Variants in AP1S3 observed in about 807,000 individuals in gnomAD.
The protein encoded by AP1S3 is AP-1 complex subunit sigma-3.
AP1S3 carries 10 observed loss-of-function variants against 20.9 expected under a neutral mutation model. The ratio of observed to expected loss-of-function variants is 0.48; its 90% CI spans 0.29 to 0.81. The LOEUF (loss-of-function observed/expected upper bound fraction) is 0.81, where lower values mean the gene tolerates loss of function less well. Ranked by LOEUF, AP1S3 falls within the 30% of genes least tolerant of loss-of-function variation. AP1S3 has a pLI of 0.08. For missense variants in AP1S3, 154 were observed against 183.8 expected (o/e 0.84, Z 0.94); for synonymous variants, 41 against 61.5 (o/e 0.67, Z 1.56).
intron 1 of AP1S3, among the ~76,000 whole-genome samples, chr2:223,787,907 T>C (rs1042299780): frequency 1.3e-5 from 2 of 152,172 alleles, no homozygotes; most frequent in Non-Finnish European, 2.9e-5. Flanking sequence ...CTGCTGACAC[T>C]GTCCACACAA....
intron 3 of AP1S3, among the ~76,000 whole-genome samples, chr2:223,770,726 C>CCTTTT (rs1194728092): frequency 1.3e-5 from 1 of 76,630 alleles, no homozygotes; most frequent in East Asian, 1.6e-3. Flanking sequence ...TAGACCAGTT[C>CCTTTT]ATTTTTTTTT....
chr2:223,786,360 G>A (rs777365002), intron 1 of AP1S3, among the ~76,000 whole-genome samples: 14 of 152,286 alleles, frequency 9.2e-5, no homozygotes, highest in Admixed American at 6.5e-4. Context: ...AAGAAAGTGC[G>A]AACCTACAGT....
intron 1 of AP1S3, among the ~76,000 whole-genome samples, chr2:223,810,161 A>G (rs1037356941): frequency 2.0e-5 from 3 of 152,204 alleles, no homozygotes; most frequent in Admixed American, 6.5e-5. Context: ...GTTCAGGACA[A>G]GAATCTGGGG....
chr2:223,778,315 G>A (rs1446876386), intron 1 of AP1S3, among the ~76,000 whole-genome samples: 4 of 151,950 alleles, frequency 2.6e-5, no homozygotes, highest in East Asian at 3.9e-4. Context: ...TAGTAGAGAC[G>A]GGGATTCACC....
At chr2:223,795,388 A>G (rs1286695883) in intron 1 of AP1S3, among the ~76,000 whole-genome samples, 1 of 152,232 alleles carries the variant, frequency 6.6e-6, no homozygotes, top group African/African-American at 2.4e-5. Flanking sequence ...GACACTTTTT[A>G]CACATGTTCT....
chr2:223,804,753 A>C (rs1455982489), intron 1 of AP1S3, among the ~76,000 whole-genome samples: 2 of 152,132 alleles, frequency 1.3e-5, no homozygotes, highest in African/African-American at 2.4e-5. Flanking sequence ...AAATTACTAG[A>C]ATCTTCTAGA....
chr2:223,810,483 A>AT lies in AP1S3; in HGVS notation c.3+26964dup, dbSNP rs1274498187. 2.0e-5 allele frequency among the ~76,000 whole-genome samples: 3 copies of AT among 152,058 alleles called. No individual in the cohort carries two copies. The East Asian group carries it at 5.8e-4, about 30-fold the overall frequency. ...GCCACCACACCAAGCTAATGTTTAT[A>AT]TTTTTTGTAGAGACAGGGTTTTGCC... On this transcript the variant is annotated intron_variant, in intron 1 of 4. Transcript: ENST00000396654.
chr2:223,785,406 A>G (rs1370713268), intron 1 of AP1S3, among the ~76,000 whole-genome samples: 3 of 152,344 alleles, frequency 2.0e-5, no homozygotes, highest in East Asian at 1.9e-4. Context: ...ATGTAAAACT[A>G]TTCTTGCAAA....
intron 1 of AP1S3, among the ~76,000 whole-genome samples, chr2:223,782,279 C>T (rs1331315382): frequency 6.6e-6 from 1 of 152,170 alleles, no homozygotes; most frequent in Non-Finnish European, 1.5e-5. Context: ...TCCCAAAGTG[C>T]TGGGATTACA....
intron 1 of AP1S3, among the ~76,000 whole-genome samples, chr2:223,810,937 T>C (rs1333780904): frequency 6.6e-6 from 1 of 151,936 alleles, no homozygotes; most frequent in African/African-American, 2.4e-5. Context: ...TTTTGGCTCC[T>C]TTTTTTAATT....
intron 1 of AP1S3, among the ~76,000 whole-genome samples, chr2:223,800,551 A>G (rs1267634604): frequency 6.6e-6 from 1 of 152,096 alleles, no homozygotes; most frequent in African/African-American, 2.4e-5. Flanking sequence ...ATCAATTAAT[A>G]TAATTTATCA....
rs937229255 is a variant in AP1S3 at position 223,762,162 on chromosome 2, G to A, written c.429+3051C>T. Among the ~76,000 whole-genome samples the A allele has an allele frequency of 5.9e-5, 9 of 151,466 alleles. No individual in the cohort carries two copies. The East Asian group carries it at 7.8e-4, about 13-fold the overall frequency. The stretch of plus-strand genomic sequence containing the variant: ...TAATTTTTGTATTTTTAGTAGAGAC[G>A]GAGTTTCACCATCTTGGCCAGGCTG... On this transcript the variant is annotated intron_variant, in intron 4 of 4. Transcript: ENST00000396654.
chr2:223,829,572 G>A (rs11682893), intron 1 of AP1S3, among the ~76,000 whole-genome samples: 15,058 of 152,212 alleles, frequency 0.099, 1,022 homozygotes, highest in Non-Finnish European at 0.15. Context: ...TCAGGAGGCT[G>A]AGGCAGGAGA....
chr2:223,827,151 GTTGATGTAGACTAGA>G (rs954948681), intron 1 of AP1S3, among the ~76,000 whole-genome samples: 1 of 152,132 alleles, frequency 6.6e-6, no homozygotes, highest in African/African-American at 2.4e-5. Flanking sequence ...TGCAAAGATG[GTTGATGTAGACTAGA>G]TTATCGTGAG....
intron 1 of AP1S3, among the ~76,000 whole-genome samples, chr2:223,789,965 G>A (rs1023220761): frequency 1.3e-5 from 2 of 151,966 alleles, no homozygotes; most frequent in Non-Finnish European, 2.9e-5. Context: ...CAAGAACTAA[G>A]TAGATGAGAC....
chr2:223,765,666 A>T (rs1664194694), intron 3 of AP1S3, among the ~76,000 whole-genome samples: 1 of 152,192 alleles, frequency 6.6e-6, no homozygotes, highest in Admixed American at 6.5e-5. Flanking sequence ...CCCCAGCTGC[A>T]TTCCAGGAAG....
intron 1 of AP1S3, among the ~76,000 whole-genome samples, chr2:223,782,342 T>C (rs528351964): frequency 1.3e-5 from 2 of 152,270 alleles, no homozygotes; most frequent in Admixed American, 6.5e-5. Flanking sequence ...GCCTTTTCCT[T>C]CCAGACAAAA....
At chr2:223,761,071 T>C (rs1690343020) in intron 4 of AP1S3, among the ~76,000 whole-genome samples, 1 of 152,332 alleles carries the variant, frequency 6.6e-6, no homozygotes, top group South Asian at 2.1e-4. Context: ...CGAGCCAGGC[T>C]GGTTACTCAA....
chr2:223,794,142 C>T (rs1241224953), intron 1 of AP1S3, among the ~76,000 whole-genome samples: 4 of 152,020 alleles, frequency 2.6e-5, no homozygotes. Flanking sequence ...TGTCTAACTC[C>T]ATTTCTTGCT....
Sources: gnomAD v4.1 joint callset for allele counts (sites outside exome capture counted in the v4.1 genomes callset) on GRCh38, gnomAD v4.1.1 for gene constraint, MANE v1.5 for transcripts, NCBI Gene and HGNC (gene_info 2026-07-23, HGNC 2026-07-21) for gene names.